Variants in MYO18B observed in about 807,000 individuals in gnomAD.
MYO18B encodes the protein myosin XVIIIB, also known as unconventional myosin-XVIIIb.
In MYO18B, 204 loss-of-function variants were observed where a neutral mutation model predicts 273.0. The observed-to-expected ratio is 0.75, with a 90% CI of 0.67 to 0.84. MYO18B has a LOEUF of 0.84. MYO18B is among the 40% of genes least tolerant of loss of function. The probability of loss-of-function intolerance (pLI) is 0.00; values close to 1 mark genes in which losing one functional copy is unlikely to be tolerated. For synonymous variants in MYO18B, 1,330 were observed against 1,305.7 expected, an observed-to-expected ratio of 1.02 and a Z score of -0.40; for missense variants, 3,212 against 3,287.6, an observed-to-expected ratio of 0.98 and a Z score of 0.56.
chr22:25,901,829 T>TTC (rs1258930734), intron 29 of MYO18B, among the ~76,000 whole-genome samples: 25 of 127,650 alleles, frequency 2.0e-4, no homozygotes, highest in African/African-American at 9.2e-4. Flanking sequence ...TTTTTTTTTT[T>TTC]TGAGACAAGG....
chr22:26,035,389 T>C (rs1036240335), downstream of MYO18B, among the ~76,000 whole-genome samples: 4 of 152,330 alleles, frequency 2.6e-5, no homozygotes, highest in Middle Eastern at 3.4e-3. Flanking sequence ...CTCACCTGTC[T>C]GGATGCAGAT....
the MYO18B span, among the ~76,000 whole-genome samples, chr22:26,060,348 C>G: frequency 6.6e-6 from 1 of 152,056 alleles, no homozygotes; most frequent in East Asian, 1.9e-4. Context: ...TTCACCAACC[C>G]CTGATTTAAG....
chr22:25,758,028 T>G (rs1276071386), intron 1 of MYO18B, among the ~76,000 whole-genome samples: 1 of 152,208 alleles, frequency 6.6e-6, no homozygotes, highest in Non-Finnish European at 1.5e-5. Flanking sequence ...GTTTGTTTGT[T>G]TTTGAGACCA....
At chr22:25,785,358 G>GA in intron 10 of MYO18B, 70 bp from the exon 11 acceptor site, 1 of 1,489,054 alleles carries the variant, frequency 6.7e-7, no homozygotes. Flanking sequence ...CTCACACTGT[G>GA]ACGACCACCT....
chr22:26,032,582 T>A (rs1936692346), downstream of MYO18B, among the ~76,000 whole-genome samples: 1 of 145,668 alleles, frequency 6.9e-6, no homozygotes, highest in African/African-American at 2.6e-5. Context: ...AGTGCAGTGG[T>A]GTGATCTCAG....
chr22:25,895,063 G>C, intron 27 of MYO18B, 93 bp from the exon 28 acceptor site: 1 of 1,438,576 alleles, frequency 7.0e-7, no homozygotes, highest in Admixed American at 2.1e-5. Flanking sequence ...GAAATTGCAT[G>C]CCAAGAGCCA....
intron 39 of MYO18B, among the ~76,000 whole-genome samples, chr22:25,991,505 T>A (rs1357221803): frequency 1.3e-5 from 2 of 152,196 alleles, no homozygotes; most frequent in African/African-American, 4.8e-5. Context: ...ACAATCATTA[T>A]GTGTTAAAGG....
chr22:25,823,872 A>G (rs892462387), intron 13 of MYO18B, among the ~76,000 whole-genome samples, 194 bp downstream of exon 13: 81 of 152,138 alleles, frequency 5.3e-4, no homozygotes, highest in African/African-American at 1.9e-3. Flanking sequence ...AACTATCTCC[A>G]TTCAGTGGCC....
chr22:25,953,654 T>G (rs1157175602), intron 38 of MYO18B: 2 of 152,228 alleles, frequency 1.3e-5, no homozygotes, highest in Non-Finnish European at 2.9e-5. Flanking sequence ...CATGAAACTT[T>G]GATCTACTAT....
At position 25,997,273 on chromosome 22, in the gene MYO18B, A is replaced by G. The variant is rs186921997; in HGVS notation, c.6287+4780A>G. Reference sequence around the variant, plus strand: ...TGAGCTGAGATGGCGCCAGTGTACTATAGCCTGGGCAACAGAGTGAAACTC... The same window carrying G: ...TGAGCTGAGATGGCGCCAGTGTACTGTAGCCTGGGCAACAGAGTGAAACTC... On this transcript the variant is annotated intron_variant, in intron 40 of 43. Coordinates refer to ENST00000335473, the MANE Select transcript of MYO18B (RefSeq NM_032608.7). Among the ~76,000 whole-genome samples the G allele has an allele frequency of 2.5e-3, 330 of 133,800 alleles. 2 individuals are homozygous for G. The highest frequency in any genetic ancestry group is 8.5e-3 in the African/African-American group (306 of 36,022). 87.8% of individuals were successfully genotyped at this position (133,800 alleles called of 152,430 possible).
intron 2 of MYO18B, 137 bp downstream of exon 2, chr22:25,761,268 C>A: frequency 1.0e-6 from 1 of 976,802 alleles, no homozygotes; most frequent in South Asian, 1.4e-5. Context: ...ATCCCACCTT[C>A]AACCTTCTCC....
chr22:25,955,220 G>A lies in MYO18B; in HGVS notation c.6012G>A (p.Gly2004=), dbSNP rs376278675. 40 of 1,613,200 alleles carry A rather than the reference G, an allele frequency of 2.5e-5. No individual in the cohort carries two copies. In the East Asian group the frequency reaches 7.8e-4, roughly 31 times the overall value. Residue 2004 remains glycine, a synonymous_variant, in exon 39 of 44, where the codon GGG becomes GGA. Transcript: ENST00000335473. ...TTCGGGACAGCCTGATCAAGATGGG[G>A]GAGGAGCTTTCACAGGCGGCCACCT... is the stretch of plus-strand genomic sequence containing the variant. ...IRLRDSLIKM[G]EELSQAATSE... is the part of the protein sequence containing the mutation.
At chr22:25,921,439 A>C in intron 34 of MYO18B, 30 bp downstream of exon 34, 1 of 1,587,974 alleles carries the variant, frequency 6.3e-7, no homozygotes, top group Non-Finnish European at 8.6e-7. Context: ...CTTGAGAATC[A>C]GGCTGGGGAG....
chr22:25,777,496 A>T, intron 7 of MYO18B, 87 bp from the exon 8 acceptor site: 1 of 1,295,920 alleles, frequency 7.7e-7, no homozygotes, highest in Non-Finnish European at 1.0e-6. Flanking sequence ...ACAGATCTGG[A>T]CCCTAGGCCT....
At position 26,028,058 on chromosome 22, in the gene MYO18B, A is replaced by G. The variant is rs1009091780; in HGVS notation, c.*12+368A>G. Among the ~76,000 whole-genome samples the G allele has an allele frequency of 2.0e-4, 31 of 152,160 alleles. 1 individual carries two copies. The highest frequency in any genetic ancestry group is 7.5e-4 in the African/African-American group (31 of 41,552). On this transcript the variant is annotated intron_variant, in intron 43 of 43. Coordinates refer to ENST00000335473, the MANE Select transcript of MYO18B (RefSeq NM_032608.7). ...CAGGAGTTTGAGACCAGACTGGCCA[A>G]CAGGGTGAAACCTCGTCTCTACTAA...
At chr22:26,000,388 G>T (rs2146897406) in intron 40 of MYO18B, among the ~76,000 whole-genome samples, 1 of 152,094 alleles carries the variant, frequency 6.6e-6, no homozygotes, top group Non-Finnish European at 1.5e-5. Context: ...TTGACCCCTT[G>T]GTACCCACAC....
At chr22:25,989,456 G>A (rs1178661225) in intron 39 of MYO18B, among the ~76,000 whole-genome samples, 1 of 151,926 alleles carries the variant, frequency 6.6e-6, no homozygotes, top group Non-Finnish European at 1.5e-5. Context: ...AGTGGCTAAT[G>A]CCCAGTGACA....
chr22:26,034,224 A>G (rs1452300452), downstream of MYO18B, among the ~76,000 whole-genome samples: 1 of 152,224 alleles, frequency 6.6e-6, no homozygotes, highest in Non-Finnish European at 1.5e-5. Flanking sequence ...CTGATGTCAC[A>G]TAGGCAGTGT....
intron 11 of MYO18B, among the ~76,000 whole-genome samples, chr22:25,792,642 G>A (rs1417002714): frequency 4.6e-5 from 7 of 151,734 alleles, no homozygotes; most frequent in East Asian, 3.9e-4. Flanking sequence ...CTATAGGTGC[G>A]CGCCACCATG....
Sources: allele counts gnomAD v4.1 joint callset (sites outside exome capture counted in the v4.1 genomes callset), GRCh38; gene constraint gnomAD v4.1.1; transcripts MANE v1.5; gene names NCBI Gene and HGNC (gene_info 2026-07-23, HGNC 2026-07-21).